The following NRCAM variants were observed in gnomAD, a reference collection of about 807,000 sequenced individuals.
NRCAM encodes neuronal cell adhesion molecule, also known as NgCAM-related cell adhesion molecule.
A neutral mutation model predicts 156.5 loss-of-function variants in NRCAM; 83 were observed. The observed-to-expected ratio is 0.53, with a 90% CI of 0.44 to 0.64. The LOEUF (loss-of-function observed/expected upper bound fraction) is 0.64. Ranked by LOEUF, NRCAM falls within the 30% of genes least tolerant of loss-of-function variation. The pLI is 0.00. For missense variants in NRCAM, 1,417 were observed against 1,597.3 expected (o/e 0.89, Z 1.92); for synonymous variants, 538 against 563.9 (o/e 0.95, Z 0.65).
chr7:108,331,405 C>T (rs1016148), intron 2 of NRCAM, among the ~76,000 whole-genome samples: 1 of 149,978 alleles, frequency 6.7e-6, no homozygotes, highest in African/African-American at 2.5e-5. Flanking sequence ...TGTCTCTAAA[C>T]TTAAAAAAAA....
At chr7:108,161,371 G>A (rs2048842149) in intron 30 of NRCAM, among the ~76,000 whole-genome samples, 1 of 152,128 alleles carries the variant, frequency 6.6e-6, no homozygotes, top group Non-Finnish European at 1.5e-5. Context: ...GAAAACCACA[G>A]AATAATGAGC....
intron 3 of NRCAM, among the ~76,000 whole-genome samples, chr7:108,306,309 T>C (rs574862728): frequency 1.3e-5 from 2 of 152,340 alleles, no homozygotes; most frequent in African/African-American, 2.4e-5. Context: ...TTTTATTATA[T>C]AAAAATTCCC....
chr7:108,257,825 G>A (rs1217104182), intron 3 of NRCAM, among the ~76,000 whole-genome samples: 1 of 152,030 alleles, frequency 6.6e-6, no homozygotes, highest in African/African-American at 2.4e-5. Flanking sequence ...TCACAGGTAT[G>A]TGAGCTATTA....
intron 2 of NRCAM, among the ~76,000 whole-genome samples, chr7:108,388,067 T>A (rs1219885532): frequency 6.6e-6 from 1 of 152,160 alleles, no homozygotes; most frequent in African/African-American, 2.4e-5. Context: ...CTTTTGGGTA[T>A]ATACCCAGTA....
In NRCAM at chr7:108,347,058, G is replaced by A. The variant is rs1304213141; in HGVS notation, c.-173-34327C>T. Among the ~76,000 whole-genome samples the A allele has an allele frequency of 8.9e-3, 377 of 42,598 alleles. 3 individuals carry two copies. The highest frequency in any genetic ancestry group is 0.032 in the Admixed American group (91 of 2,842). 27.9% of individuals were successfully genotyped at this position (42,598 alleles called of 152,430 possible). On this transcript the variant is annotated intron_variant, in intron 2 of 32. Transcript: ENST00000379028. ...TTTTTTTTTTTTTTTTTTTTTTTGAGACAGACTGTTGCTCTGTCGCCCAGG... is the reference window on the plus strand; with the variant it reads ...TTTTTTTTTTTTTTTTTTTTTTTGAAACAGACTGTTGCTCTGTCGCCCAGG...
intron 30 of NRCAM, among the ~76,000 whole-genome samples, chr7:108,163,592 ATC>A (rs2151548168): frequency 1.3e-5 from 2 of 152,320 alleles, no homozygotes; most frequent in South Asian, 4.1e-4. Flanking sequence ...GTGAAAACAA[ATC>A]TGTTTTAAAT....
chr7:108,252,986 G>A (rs564148197), intron 3 of NRCAM, among the ~76,000 whole-genome samples: 3 of 152,364 alleles, frequency 2.0e-5, no homozygotes, highest in South Asian at 4.1e-4. Flanking sequence ...ACGTCTGAGC[G>A]GACTTTCAGA....
chr7:108,167,689 AG>A (rs1296643587), intron 29 of NRCAM, among the ~76,000 whole-genome samples: 8 of 152,286 alleles, frequency 5.3e-5, no homozygotes, highest in African/African-American at 1.9e-4. Flanking sequence ...TGCACTTAGG[AG>A]GGGGGTACTG....
intron 3 of NRCAM, among the ~76,000 whole-genome samples, chr7:108,273,758 T>A (rs990896091): frequency 2.6e-5 from 4 of 152,210 alleles, no homozygotes; most frequent in African/African-American, 7.2e-5. Flanking sequence ...TAGATCCCAT[T>A]TGTCTATTTT....
chr7:108,191,314 A>G, intron 18 of NRCAM, 31 bp from the exon 19 acceptor site: 7 of 1,538,964 alleles, frequency 4.5e-6, no homozygotes, highest in Non-Finnish European at 6.2e-6. Flanking sequence ...AAGGATTTTA[A>G]TCAAAATTAG....
intron 2 of NRCAM, among the ~76,000 whole-genome samples, chr7:108,393,365 C>A (rs902817061): frequency 6.6e-6 from 1 of 152,154 alleles, no homozygotes; most frequent in East Asian, 1.9e-4. Context: ...CCCTCCGAGC[C>A]AGGTGCCAGA....
chr7:108,449,301 A>G (rs1179214834), intron 1 of NRCAM, among the ~76,000 whole-genome samples: 3 of 152,260 alleles, frequency 2.0e-5, no homozygotes, highest in African/African-American at 2.4e-5. Context: ...AACTGAAGCT[A>G]TAATTCAAAT....
intron 3 of NRCAM, among the ~76,000 whole-genome samples, chr7:108,308,142 G>A (rs2098746177): frequency 6.6e-6 from 1 of 152,180 alleles, no homozygotes; most frequent in South Asian, 2.1e-4. Flanking sequence ...CTTTCATTTG[G>A]AATAAGCTTC....
chr7:108,240,405 A>AT, intron 3 of NRCAM, among the ~76,000 whole-genome samples: 1 of 152,132 alleles, frequency 6.6e-6, no homozygotes. Context: ...CATCCTTATG[A>AT]TTTTTCCATT....
rs566732533 is a variant in NRCAM at position 108,287,743 on chromosome 7, A to G, written c.-107+24922T>C. 1.4e-4 allele frequency among the ~76,000 whole-genome samples: 22 copies of G among 152,230 alleles called. No homozygotes were observed. The South Asian group carries it at 4.4e-3, about 30-fold the overall frequency. ...TGTTGGTGAGGATGTGGGAAAAAAA[A>G]AAGAAACGCTTATACACTGTTGGTG... On this transcript the variant is annotated intron_variant, in intron 3 of 32. Transcript: ENST00000379028.
At chr7:108,398,872 A>C (rs2099784131) in intron 2 of NRCAM, among the ~76,000 whole-genome samples, 1 of 152,124 alleles carries the variant, frequency 6.6e-6, no homozygotes, top group Non-Finnish European at 1.5e-5. Flanking sequence ...TTGAGAGCCT[A>C]GCAATGTTTA....
intron 3 of NRCAM, among the ~76,000 whole-genome samples, chr7:108,242,047 GTGGATCACCTAAGGTCAGGAGT>G (rs1256083942): frequency 6.6e-6 from 1 of 151,956 alleles, no homozygotes; most frequent in Non-Finnish European, 1.5e-5. Flanking sequence ...GCCGAAGCGG[GTGGATCACCTAAGGTCAGGAGT>G]TTGAGACCAG....
chr7:108,376,632 C>G (rs746025373), intron 2 of NRCAM, among the ~76,000 whole-genome samples: 1 of 152,156 alleles, frequency 6.6e-6, no homozygotes, highest in Non-Finnish European at 1.5e-5. Flanking sequence ...GCCTAATTCT[C>G]TTTTCCTATT....
At chr7:108,323,703 G>A (rs1480571483) in intron 2 of NRCAM, among the ~76,000 whole-genome samples, 2 of 152,166 alleles carry the variant, frequency 1.3e-5, no homozygotes, top group Non-Finnish European at 2.9e-5. Flanking sequence ...TTATATTCTA[G>A]TGGGTGAAGA....
Sources: allele counts gnomAD v4.1 joint callset (sites outside exome capture counted in the v4.1 genomes callset), GRCh38; gene constraint gnomAD v4.1.1; transcripts MANE v1.5; gene names NCBI Gene and HGNC (gene_info 2026-07-23, HGNC 2026-07-21).